Variants in SLFN5 observed in about 807,000 individuals in gnomAD.
The protein encoded by SLFN5 is schlafen family member 5.
SLFN5 carries 34 observed loss-of-function variants against 48.5 expected under a neutral mutation model. That is an observed-to-expected ratio of 0.70 (90% CI 0.53 to 0.93). SLFN5 has a LOEUF of 0.93. SLFN5 is among the 40% of genes least tolerant of loss of function. The pLI is 0.00. For synonymous variants in SLFN5, 387 were observed against 396.2 expected (o/e 0.98, Z 0.28); for missense variants, 1,006 against 1,071.3 (o/e 0.94, Z 0.85).
intron 1 of SLFN5, among the ~76,000 whole-genome samples, chr17:35,257,245 A>G (rs1904370166): frequency 1.3e-5 from 2 of 152,216 alleles, no homozygotes; most frequent in South Asian, 2.1e-4. Flanking sequence ...GTAATCAAGT[A>G]TCACTGTGAC....
chr17:35,257,211 C>T (rs1015402815), intron 1 of SLFN5, among the ~76,000 whole-genome samples: 2 of 152,160 alleles, frequency 1.3e-5, no homozygotes, highest in African/African-American at 4.8e-5. Flanking sequence ...TGAGCTCCCC[C>T]ATATTTACAT....
At chr17:35,255,790 A>T (rs574144359) in intron 1 of SLFN5, among the ~76,000 whole-genome samples, 21 of 152,358 alleles carry the variant, frequency 1.4e-4, no homozygotes, top group African/African-American at 5.1e-4. Context: ...TAAGAAATAC[A>T]TTTCTAGAAG....
Position 35,254,803 on chromosome 17 carries a change from G to A in SLFN5, c.-40-3848G>A, listed in dbSNP as rs1478444414. ...AGGCTGAAGCGGGTGGATCACCTGA[G>A]GTCAGGAGTTCGAGACCAGCCTGGC... On this transcript the variant is annotated intron_variant, in intron 1 of 4. Coordinates refer to ENST00000299977, the MANE Select transcript of SLFN5 (RefSeq NM_144975.4). Among the ~76,000 whole-genome samples the A allele has an allele frequency of 2.6e-5, 4 of 152,178 alleles. No homozygotes were observed. In the East Asian group the frequency reaches 7.7e-4, roughly 29 times the overall value.
chr17:35,258,959 A>G lies in SLFN5; in HGVS notation c.269A>G (p.Gln90Arg), dbSNP rs748624504. Residue 90 changes from glutamine (Q) to arginine (R), a missense_variant, in exon 2 of 5, where the codon CAG becomes CGG. Transcript: ENST00000299977. ...TTCAGAAGCCATTTAGATAAGATGC[A>G]GAAGGAAAACCACTTTTTGATTTTT... ...PIFRSHLDKM[Q>R]KENHFLIFVK... 18 of 1,614,100 alleles carry G rather than the reference A, an allele frequency of 1.1e-5. No individual in the cohort carries two copies. Among genetic ancestry groups the G allele is most frequent in the South Asian group, 3.3e-5 (3 of 91,082 alleles).
chr17:35,258,562 CAACCTCA>C, intron 1 of SLFN5, 82 bp from the exon 2 acceptor site: 1 of 1,117,008 alleles, frequency 9.0e-7, no homozygotes, highest in Non-Finnish European at 1.2e-6. Context: ...ATGAAGGGAC[CAACCTCA>C]GTAGGATGGC....
Position 35,264,730 on chromosome 17 carries a change from G to T in SLFN5, c.1686G>T (p.Glu562Asp). 1 of 1,603,798 alleles carries T rather than the reference G, an allele frequency of 6.2e-7. No individual in the cohort carries two copies. Reference sequence around the variant, plus strand: ...ACCTACTGACAAATAAACAGTATGAGTTGCTTTCAAAGAACCTTCGCAAGA... The same window carrying T: ...ACCTACTGACAAATAAACAGTATGATTTGCTTTCAAAGAACCTTCGCAAGA... ...VLNLLTNKQYELLSKNLRKTR... is the reference protein window; with the variant it reads ...VLNLLTNKQYDLLSKNLRKTR... The change falls in exon 4 of 5, where the codon GAG becomes GAT. Residue 562 changes from glutamate to aspartate, a missense_variant. By Grantham distance (45) the Glu-to-Asp change is conservative (BLOSUM62 2). Transcript: ENST00000299977.
chr17:35,260,436 A>G (rs1263161239), intron 2 of SLFN5, among the ~76,000 whole-genome samples: 4 of 152,214 alleles, frequency 2.6e-5, no homozygotes, highest in Non-Finnish European at 5.9e-5. Flanking sequence ...CTAAAAATAT[A>G]AAAACAGTCT....
rs755066531 is a variant in SLFN5, at chr17:35,265,208, A to C, written c.1996A>C (p.Lys666Gln). 1 of 1,614,170 alleles carries C rather than the reference A, an allele frequency of 6.2e-7. No individual in the cohort carries two copies. Among genetic ancestry groups the C allele is most frequent in the Non-Finnish European group, 8.5e-7 (1 of 1,180,018 alleles). Reference protein sequence around the residue: ...TEDGDWYGKAKFITQTARDGP... With the variant: ...TEDGDWYGKAQFITQTARDGP... The stretch of plus-strand genomic sequence containing the variant: ...AGATGGGGACTGGTATGGGAAAGCA[A>C]AGTTCATCACTCAGACAGCAAGGGA... Residue 666 changes from lysine to glutamine, a missense_variant, in exon 5 of 5, where the codon AAG (lysine) becomes CAG (glutamine). Lys to Gln is a moderately conservative substitution (Grantham distance 53). Transcript: ENST00000299977.
At position 35,259,468 on chromosome 17, in the gene SLFN5, A is replaced by G. The variant is rs753024668; in HGVS notation, c.778A>G (p.Lys260Glu). ...SLRASIDGCI[K>E]KLPVHHFCTQ... ...GAGGGCTTCTATTGATGGCTGTATT[A>G]AGAAGCTACCTGTCCATCATTTCTG... The change falls in exon 2 of 5, where the codon AAG (lysine) becomes GAG (glutamate). Residue 260 changes from lysine (K) to glutamate (E), a missense_variant. Lys to Glu is a moderately conservative substitution (Grantham distance 56). Transcript: ENST00000299977. 3 of 1,614,224 alleles carry G rather than the reference A, an allele frequency of 1.9e-6. No individual in the cohort carries two copies. In the Admixed American group the frequency reaches 5.0e-5, roughly 27 times the overall value.
intron 1 of SLFN5, among the ~76,000 whole-genome samples, chr17:35,256,737 G>C (rs968804749): frequency 2.6e-5 from 4 of 152,116 alleles, no homozygotes; most frequent in African/African-American, 9.7e-5. Context: ...TGAAATTGTG[G>C]ATACTGAGGT....
chr17:35,266,177 T>TGTGTGTGTGTGTGTGC lies in SLFN5; in HGVS notation c.*290_*291insTGTGTGTGTGTGTGCG, dbSNP rs35160124. On this transcript the variant is annotated 3_prime_UTR_variant, in exon 5 of 5. Coordinates refer to ENST00000299977, the MANE Select transcript of SLFN5 (RefSeq NM_144975.4). ...GTGTGTGTGTGTGTGTGTGTGTGTG[T>TGTGTGTGTGTGTGTGC]GCGCGCGCGCACGTGCACATGTGTG... The TGTGTGTGTGTGTGTGC allele has an allele frequency of 5.8e-5, 10 of 173,334 alleles. No homozygotes were observed. The highest frequency in any genetic ancestry group is 1.6e-4 in the South Asian group (1 of 6,232). The allele number at this position is 173,334 out of a possible 1,614,324, so 10.7% of individuals were successfully genotyped here. A position where few individuals can be genotyped will look rare whatever the true frequency, so the allele number is the denominator to read the frequency against.
rs756367113 is a variant in SLFN5, at chr17:35,265,611, T to C, written c.2399T>C (p.Val800Ala). ...IAVLFTKASEVEKYKDRLLTA... is the reference protein window; with the variant it reads ...IAVLFTKASEAEKYKDRLLTA... The stretch of plus-strand genomic sequence containing the variant: ...GTGCTTTTCACCAAAGCAAGTGAAG[T>C]GGAAAAATATAAAGACAGGCTTCTA... The change falls in exon 5 of 5, where the codon GTG (valine) becomes GCG (alanine). Residue 800 changes from valine to alanine, a missense_variant. Physicochemically the swap from Val to Ala is moderately conservative, Grantham distance 64. Coordinates refer to ENST00000299977, the MANE Select transcript of SLFN5 (RefSeq NM_144975.4). The C allele has an allele frequency of 3.1e-6, 5 of 1,614,094 alleles. No homozygotes were observed. The African/African-American group carries it at 5.3e-5, about 17-fold the overall frequency.
rs35160124 is a variant in SLFN5, at chr17:35,266,177, T to TGTGCGTGCGC, written c.*290_*291insTGCGTGCGCG. The TGTGCGTGCGC allele has an allele frequency of 2.3e-5, 4 of 171,112 alleles. No individual in the cohort carries two copies. The highest frequency in any genetic ancestry group is 1.0e-4 in the African/African-American group (4 of 38,366). 10.6% of individuals were successfully genotyped at this position (171,112 alleles called of 1,614,324 possible). A position where few individuals can be genotyped will look rare whatever the true frequency, so the allele number is the denominator to read the frequency against. ...GTGTGTGTGTGTGTGTGTGTGTGTG[T>TGTGCGTGCGC]GCGCGCGCGCACGTGCACATGTGTG... On this transcript the variant is annotated 3_prime_UTR_variant, in exon 5 of 5. Transcript: ENST00000299977.
At position 35,273,589 on chromosome 17, in the gene SLFN5, T is replaced by C. The variant is rs1904887736; in HGVS notation, c.*7701T>C. 6.6e-6 allele frequency: 1 copy of C among 152,116 alleles called. No individual in the cohort carries two copies. Among genetic ancestry groups the C allele is most frequent in the Non-Finnish European group, 1.5e-5 (1 of 68,012 alleles). The allele number at this position is 152,116 out of a possible 1,614,324, so 9.4% of individuals were successfully genotyped here. A position where few individuals can be genotyped will look rare whatever the true frequency, so the allele number is the denominator to read the frequency against. ...GTGTCTATATATACAAAAATGTAAG[T>C]GTTAACATTTTTATATTTGCTTCAA... On this transcript the variant is annotated 3_prime_UTR_variant, in exon 5 of 5. Transcript: ENST00000299977.
At chr17:35,249,332 A>G (rs954749393) in intron 1 of SLFN5, among the ~76,000 whole-genome samples, 2 of 152,240 alleles carry the variant, frequency 1.3e-5, no homozygotes, top group Non-Finnish European at 2.9e-5. Context: ...TGACAAGGAC[A>G]CTACAGATAT....
intron 1 of SLFN5, among the ~76,000 whole-genome samples, chr17:35,246,716 G>T (rs755948410): frequency 6.6e-6 from 1 of 151,944 alleles, no homozygotes; most frequent in Non-Finnish European, 1.5e-5. Flanking sequence ...TTACCCAGGC[G>T]TGGTGGTGGG....
intron 1 of SLFN5, among the ~76,000 whole-genome samples, chr17:35,254,755 G>A (rs1003766652): frequency 2.0e-4 from 31 of 152,308 alleles, no homozygotes; most frequent in African/African-American, 6.5e-4. Context: ...GGTGGCTCAC[G>A]CCTGTAATCC....
At chr17:35,259,931 G>A (rs1749656732) in intron 2 of SLFN5, 3 of 537,828 alleles carry the variant, frequency 5.6e-6, no homozygotes, top group Non-Finnish European at 9.7e-6. Flanking sequence ...CTGGCTAGTA[G>A]CCCCATTAAA....
At chr17:35,261,355 G>C (rs536888280) in intron 3 of SLFN5, among the ~76,000 whole-genome samples, 1 of 152,224 alleles carries the variant, frequency 6.6e-6, no homozygotes, top group African/African-American at 2.4e-5. Flanking sequence ...ATTAAGAACT[G>C]TTCCTCAAAA....
Sources: allele counts gnomAD v4.1 joint callset (sites outside exome capture counted in the v4.1 genomes callset), GRCh38; gene constraint gnomAD v4.1.1; transcripts MANE v1.5; gene names NCBI Gene and HGNC (gene_info 2026-07-23, HGNC 2026-07-21).